Variants in GSE1 observed in about 807,000 individuals in gnomAD.
The protein encoded by GSE1 is genetic suppressor element 1.
In GSE1, 32 loss-of-function variants were observed where a neutral mutation model predicts 112.6. The ratio of observed to expected loss-of-function variants is 0.28; its 90% CI spans 0.21 to 0.38. GSE1 has a LOEUF of 0.38. Among genes scored for constraint, GSE1 ranks in the 10% least tolerant of loss-of-function variants. The pLI, the probability that GSE1 is intolerant of heterozygous loss-of-function variation, is 1.00. For synonymous variants in GSE1, 1,115 were observed against 735.6 expected (o/e 1.52, Z -8.35); for missense variants, 2,348 against 1,699.2 (o/e 1.38, Z -6.71).
chr16:85,171,871 A>T, intron 1 of GSE1: 4 of 869,256 alleles, frequency 4.6e-6, no homozygotes, highest in Non-Finnish European at 4.1e-6. Flanking sequence ...GAAGGGAGAG[A>T]TGTTTTCTGT....
intron 3 of GSE1, among the ~76,000 whole-genome samples, chr16:85,649,333 G>C (rs911637915): frequency 3.9e-5 from 6 of 152,198 alleles, no homozygotes; most frequent in African/African-American, 1.4e-4. Context: ...TTTGCACGCT[G>C]AGCACCCGGC....
chr16:85,279,501 A>AG (rs11451288), intron 1 of GSE1, among the ~76,000 whole-genome samples: 67,657 of 151,990 alleles, frequency 0.45, 15,877 homozygotes, highest in East Asian at 0.68. Context: ...CAGCCACTCA[A>AG]GGGGGGATCA....
intron 2 of GSE1, among the ~76,000 whole-genome samples, chr16:85,517,611 G>T (rs1044021801): frequency 1.3e-5 from 2 of 150,462 alleles, no homozygotes; most frequent in African/African-American, 4.9e-5. Context: ...CCCTCCCCCC[G>T]CCTGCCTAAG....
In GSE1 at chr16:85,668,311, CGGAGGAGGAGGAAGA is replaced by C; in HGVS notation, c.3309_3323del (p.Glu1103_Glu1107del). The stretch of plus-strand genomic sequence containing the variant: ...CCAACCCAGGAGTTGGACCGGGACT[CGGAGGAGGAGGAAGA>C]GGAGGATGATGAAGATGGAGAAGAT... On this transcript the variant is annotated inframe_deletion, in exon 14 of 16. Transcript: ENST00000253458. 6.2e-7 allele frequency: 1 copy of C among 1,612,490 alleles called. No individual in the cohort carries two copies. The highest frequency in any genetic ancestry group is 8.5e-7 in the Non-Finnish European group (1 of 1,178,912).
chr16:85,324,351 A>G (rs1338179909), intron 1 of GSE1, among the ~76,000 whole-genome samples: 2 of 152,150 alleles, frequency 1.3e-5, no homozygotes, highest in African/African-American at 2.4e-5. Flanking sequence ...CTCTACTAAA[A>G]ATACAAAAAT....
chr16:85,229,919 G>A (rs919432657), intron 1 of GSE1, among the ~76,000 whole-genome samples: 1 of 152,154 alleles, frequency 6.6e-6, no homozygotes, highest in Admixed American at 6.5e-5. Flanking sequence ...TTCTCTTTAG[G>A]GGAAGAAAGT....
intron 2 of GSE1, among the ~76,000 whole-genome samples, chr16:85,401,492 C>T (rs908299201): frequency 2.0e-5 from 3 of 152,128 alleles, no homozygotes; most frequent in African/African-American, 7.2e-5. Flanking sequence ...CCTTGGGGCA[C>T]CTCCCGCAAA....
At chr16:85,560,655 G>A (rs1186604063) in intron 1 of GSE1, among the ~76,000 whole-genome samples, 1 of 152,040 alleles carries the variant, frequency 6.6e-6, no homozygotes, top group Non-Finnish European at 1.5e-5. Flanking sequence ...CAAATGGGGC[G>A]ACTGGGAAAT....
intron 1 of GSE1, among the ~76,000 whole-genome samples, chr16:85,321,750 G>T (rs1431130835): frequency 1.3e-5 from 2 of 151,552 alleles, no homozygotes; most frequent in African/African-American, 4.8e-5. Context: ...GGACTTTTGT[G>T]CCACTGCCCT....
At chr16:85,229,885 G>A (rs74852168) in intron 1 of GSE1, among the ~76,000 whole-genome samples, 2 of 152,226 alleles carry the variant, frequency 1.3e-5, no homozygotes, top group African/African-American at 4.8e-5. Context: ...GGGTGAGAAG[G>A]GGGTAGAGGG....
chr16:85,238,868 T>C (rs1192952548), intron 1 of GSE1, among the ~76,000 whole-genome samples: 4 of 152,170 alleles, frequency 2.6e-5, no homozygotes, highest in African/African-American at 9.7e-5. Context: ...TTAATGAGCA[T>C]CTACTGTGTG....
At chr16:85,171,725 G>T in exon 1 of GSE1, 3 of 985,692 alleles carry the variant, frequency 3.0e-6, no homozygotes, top group Non-Finnish European at 3.6e-6. Context: ...TGCGTGGAGT[G>T]TGGGACCCTG....
upstream of GSE1, among the ~76,000 whole-genome samples, chr16:85,553,134 GC>G (rs796822937): frequency 6.7e-6 from 1 of 149,714 alleles, no homozygotes; most frequent in African/African-American, 2.5e-5. Flanking sequence ...CGCTCTGGCC[GC>G]CCCCCGCCCC....
chr16:85,261,660 G>A (rs1411184513), intron 1 of GSE1, among the ~76,000 whole-genome samples: 2 of 152,192 alleles, frequency 1.3e-5, no homozygotes, highest in East Asian at 1.9e-4. Flanking sequence ...ACCATCTTGA[G>A]GCCACTGACT....
At chr16:85,647,020 C>T (rs1019047985) in intron 2 of GSE1, among the ~76,000 whole-genome samples, 2 of 152,172 alleles carry the variant, frequency 1.3e-5, no homozygotes, top group East Asian at 1.9e-4. Flanking sequence ...CTGACCTGGG[C>T]GGGAGGGAGA....
intron 1 of GSE1, among the ~76,000 whole-genome samples, chr16:85,185,968 G>T (rs192851949): frequency 9.2e-4 from 140 of 152,344 alleles, no homozygotes; most frequent in Middle Eastern, 3.4e-3. Context: ...GGTGGGTTCG[G>T]TCAGCAGTTT....
chr16:85,554,004 T>TC (rs1457834195), upstream of GSE1, among the ~76,000 whole-genome samples: 1 of 152,172 alleles, frequency 6.6e-6, no homozygotes, highest in Non-Finnish European at 1.5e-5. Flanking sequence ...GGTCTGTTCC[T>TC]CAAACCATGA....
At chr16:85,182,812 C>T (rs779455650) in intron 1 of GSE1, among the ~76,000 whole-genome samples, 1 of 152,068 alleles carries the variant, frequency 6.6e-6, no homozygotes, top group East Asian at 1.9e-4. Context: ...GAGTGAAGCC[C>T]CTCCTGCCCC....
chr16:85,623,407 T>G (rs1255957262), intron 1 of GSE1, among the ~76,000 whole-genome samples: 1 of 152,082 alleles, frequency 6.6e-6, no homozygotes, highest in Non-Finnish European at 1.5e-5. Flanking sequence ...GCACCCTCTC[T>G]CCATGGTACT....
Sources: allele counts gnomAD v4.1 joint callset (sites outside exome capture counted in the v4.1 genomes callset), GRCh38; gene constraint gnomAD v4.1.1; transcripts MANE v1.5; gene names NCBI Gene and HGNC (gene_info 2026-07-23, HGNC 2026-07-21).